INO80D: variants seen among roughly 807,000 people sequenced by gnomAD.
INO80D encodes INO80 complex subunit D.
INO80D carries 21 observed loss-of-function variants against 87.6 expected under a neutral mutation model. The ratio of observed to expected loss-of-function variants is 0.24; its 90% confidence interval spans 0.17 to 0.35. INO80D has a LOEUF of 0.35. Ranked by LOEUF, INO80D falls within the 10% of genes least tolerant of loss-of-function variation. The pLI is 1.00. For missense variants in INO80D, 982 were observed against 1,280.7 expected (o/e 0.77, Z 3.56); for synonymous variants, 440 against 491.0 (o/e 0.90, Z 1.37).
chr2:206,012,281 T>G (rs990329412), intron 8 of INO80D, among the ~76,000 whole-genome samples: 2 of 152,178 alleles, frequency 1.3e-5, no homozygotes, highest in African/African-American at 4.8e-5. Flanking sequence ...TAAGAGAATC[T>G]GGGGAGCAGT....
At chr2:206,075,104 C>T (rs967278171) in intron 1 of INO80D, among the ~76,000 whole-genome samples, 1 of 150,616 alleles carries the variant, frequency 6.6e-6, no homozygotes, top group Non-Finnish European at 1.5e-5. Flanking sequence ...TTGAACAATT[C>T]ATTTCCATTG....
intron 5 of INO80D, chr2:206,040,744 C>A: frequency 3.5e-6 from 1 of 284,964 alleles, no homozygotes. Context: ...CTTCAGAGAT[C>A]CTGCTCTTAA....
At chr2:206,063,844 G>C (rs1689748189) in intron 1 of INO80D, among the ~76,000 whole-genome samples, 1 of 152,090 alleles carries the variant, frequency 6.6e-6, no homozygotes, top group African/African-American at 2.4e-5. Context: ...CATTACTGAT[G>C]TTTGCATGCT....
intron 1 of INO80D, among the ~76,000 whole-genome samples, chr2:206,071,201 C>T (rs546146068): frequency 1.4e-5 from 2 of 141,104 alleles, no homozygotes; most frequent in African/African-American, 2.6e-5. Context: ...TCAGGTGATC[C>T]GCCTGCCTCA....
chr2:206,081,756 CAAA>C (rs756168296), intron 1 of INO80D, among the ~76,000 whole-genome samples: 6 of 75,246 alleles, frequency 8.0e-5, no homozygotes, highest in African/African-American at 1.0e-4. Flanking sequence ...GACCCTGTCT[CAAA>C]AAAAAAAAAA....
intron 5 of INO80D, among the ~76,000 whole-genome samples, chr2:206,037,018 T>C (rs1251017685): frequency 2.0e-5 from 3 of 152,120 alleles, no homozygotes; most frequent in Non-Finnish European, 4.4e-5. Flanking sequence ...GAGTAGAGAA[T>C]TGAGAAGAGA....
Position 206,060,825 on chromosome 2 carries a change from G to T in INO80D, c.218+1974C>A, listed in dbSNP as rs188319551. On this transcript the variant is annotated intron_variant, in intron 3 of 10. Transcript: ENST00000403263. ...TCCACCCACCTCGGCCTCCCAAAGT[G>T]CTGGGATTACAGGCGTGAGCCACCG... Among the ~76,000 whole-genome samples the T allele has an allele frequency of 6.7e-3, 1,016 of 152,136 alleles. 16 individuals are homozygous for T. The highest frequency in any genetic ancestry group is 0.023 in the African/African-American group (965 of 41,552).
At chr2:206,052,754 T>G (rs1321581422) in intron 4 of INO80D, among the ~76,000 whole-genome samples, 1 of 151,182 alleles carries the variant, frequency 6.6e-6, no homozygotes, top group Non-Finnish European at 1.5e-5. Context: ...ATCATGCCAC[T>G]GCACTCTAGC....
chr2:206,022,243 T>C (rs1688483845), intron 6 of INO80D, among the ~76,000 whole-genome samples: 2 of 151,840 alleles, frequency 1.3e-5, no homozygotes, highest in Non-Finnish European at 1.5e-5. Flanking sequence ...GGCGGGCACC[T>C]GTAATCCCAG....
intron 1 of INO80D, among the ~76,000 whole-genome samples, chr2:206,080,351 G>C (rs10170266): frequency 0.67 from 101,267 of 152,048 alleles, 34,340 homozygotes; most frequent in African/African-American, 0.77. Context: ...AGAGCGGAAC[G>C]AGGAGTAAAG....
chr2:206,068,727 T>C (rs190645308), intron 1 of INO80D, among the ~76,000 whole-genome samples: 10 of 152,220 alleles, frequency 6.6e-5, no homozygotes, highest in Admixed American at 6.5e-4. Context: ...TGAGACAGTG[T>C]CTCACTCTGT....
At chr2:206,046,434 C>A (rs1458657631) in intron 5 of INO80D, 70 bp downstream of exon 5, 9 of 1,089,476 alleles carry the variant, frequency 8.3e-6, no homozygotes, top group African/African-American at 1.5e-5. Context: ...CACCACTGCA[C>A]TCCAGCCTGG....
chr2:206,012,182 TC>T (rs898469254), intron 8 of INO80D, among the ~76,000 whole-genome samples: 6 of 152,202 alleles, frequency 3.9e-5, no homozygotes, highest in African/African-American at 1.2e-4. Flanking sequence ...GAATTCCCTT[TC>T]TATGACATTC....
intron 8 of INO80D, among the ~76,000 whole-genome samples, chr2:206,011,591 T>A (rs1688176328): frequency 6.6e-6 from 1 of 152,200 alleles, no homozygotes; most frequent in Admixed American, 6.5e-5. Flanking sequence ...TCACCATCTG[T>A]CATAGGATCT....
chr2:206,081,175 C>G (rs1053920376), intron 1 of INO80D, among the ~76,000 whole-genome samples: 1 of 152,118 alleles, frequency 6.6e-6, no homozygotes, highest in Non-Finnish European at 1.5e-5. Flanking sequence ...GATGCAAGGC[C>G]TATTTGCTCC....
chr2:206,030,556 C>T (rs1204907222), intron 5 of INO80D, among the ~76,000 whole-genome samples: 1 of 151,830 alleles, frequency 6.6e-6, no homozygotes, highest in Non-Finnish European at 1.5e-5. Context: ...CACACAAATA[C>T]AACACGTAAG....
chr2:205,997,487 AC>A lies in INO80D; in HGVS notation c.*6880del, dbSNP rs1687829340. ...AAGGCCTATACTTTTTCTTAACTTCACCAAGAAAAGATGATCAACAATATTT... is the reference window on the plus strand; with the variant it reads ...AAGGCCTATACTTTTTCTTAACTTCACAAGAAAAGATGATCAACAATATTT... On this transcript the variant is annotated 3_prime_UTR_variant, in exon 11 of 11. Coordinates refer to ENST00000403263, the MANE Select transcript of INO80D (RefSeq NM_017759.5). 6.6e-6 allele frequency: 1 copy of A among 152,154 alleles called. No homozygotes were observed. The highest frequency in any genetic ancestry group is 2.1e-4 in the South Asian group (1 of 4,824). The allele number at this position is 152,154 out of a possible 1,614,324, so 9.4% of individuals were successfully genotyped here. A position where few individuals can be genotyped will look rare whatever the true frequency, so the allele number is the denominator to read the frequency against.
intron 6 of INO80D, among the ~76,000 whole-genome samples, chr2:206,021,013 AAAAAAGAAAAAG>A (rs1390641650): frequency 6.6e-6 from 1 of 152,216 alleles, no homozygotes; most frequent in Non-Finnish European, 1.5e-5. Flanking sequence ...TCTCTATTGA[AAAAAAGAAAAAG>A]AAAAAGAAAA....
At chr2:206,013,282 G>A (rs560560318) in intron 8 of INO80D, among the ~76,000 whole-genome samples, 27 of 152,150 alleles carry the variant, frequency 1.8e-4, no homozygotes, top group South Asian at 1.5e-3. Flanking sequence ...GGCCAGGCGC[G>A]GTGGCTTACG....
Sources: allele counts gnomAD v4.1 joint callset (sites outside exome capture counted in the v4.1 genomes callset), GRCh38; gene constraint gnomAD v4.1.1; transcripts MANE v1.5; gene names NCBI Gene and HGNC (gene_info 2026-07-23, HGNC 2026-07-21).